Variants in MIER1 observed in about 807,000 individuals in gnomAD.
MIER1 encodes mesoderm induction early response protein 1.
MIER1 carries 40 observed loss-of-function variants against 75.7 expected under a neutral mutation model. That is an observed-to-expected ratio of 0.53 (90% CI 0.41 to 0.69). The LOEUF is 0.69. Among genes scored for constraint, MIER1 ranks in the 30% least tolerant of loss-of-function variants. The pLI is 0.00. For missense variants in MIER1, 574 were observed against 680.2 expected (o/e 0.84, Z 1.74); for synonymous variants, 213 against 223.4 (o/e 0.95, Z 0.42).
At position 66,986,575 on chromosome 1, in the gene MIER1, AC is replaced by A; in HGVS notation, c.*1676del. 1 of 933,310 alleles carries A rather than the reference AC, an allele frequency of 1.1e-6. No homozygotes were observed. The highest frequency in any genetic ancestry group is 1.4e-5 in the South Asian group (1 of 70,824). The allele number at this position is 933,310 out of a possible 1,614,324, so 57.8% of individuals were successfully genotyped here. A position where few individuals can be genotyped will look rare whatever the true frequency, so the allele number is the denominator to read the frequency against. Reference sequence around the variant, plus strand: ...TCAGGCCTTACCCCCATGAAGTATTACTGTTAACATATGTTCGGACTGCTTC... The same window carrying A: ...TCAGGCCTTACCCCCATGAAGTATTATGTTAACATATGTTCGGACTGCTTC... On this transcript the variant is annotated 3_prime_UTR_variant, in exon 14 of 14. Coordinates refer to ENST00000401041, the MANE Select transcript of MIER1 (RefSeq NM_001077700.3).
intron 13 of MIER1, among the ~76,000 whole-genome samples, chr1:66,982,542 G>T (rs1666109718): frequency 2.6e-5 from 4 of 152,174 alleles, no homozygotes; most frequent in Admixed American, 2.6e-4. Context: ...AAGAGCCAGA[G>T]AATTATTTTG....
rs1048477860 is a variant in MIER1 at position 66,988,618 on chromosome 1, G to A, written c.*3718G>A. Reference sequence around the variant, plus strand: ...ATGTAATTAAAATGTCATTTTGCTTGCTCTTGAGTAAGAAGTAATTTGAAC... The same window carrying A: ...ATGTAATTAAAATGTCATTTTGCTTACTCTTGAGTAAGAAGTAATTTGAAC... On this transcript the variant is annotated 3_prime_UTR_variant, in exon 14 of 14. Transcript: ENST00000401041. The A allele has an allele frequency of 6.6e-6, 1 of 152,174 alleles. No homozygotes were observed. Among genetic ancestry groups the A allele is most frequent in the Non-Finnish European group, 1.5e-5 (1 of 67,920 alleles). 9.4% of individuals were successfully genotyped at this position (152,174 alleles called of 1,614,324 possible). A position where few individuals can be genotyped will look rare whatever the true frequency, so the allele number is the denominator to read the frequency against.
intron 4 of MIER1, chr1:66,946,679 C>T (rs942325335): frequency 1.0e-6 from 1 of 990,784 alleles, no homozygotes; most frequent in Non-Finnish European, 1.2e-6. Flanking sequence ...ATTTTCCATT[C>T]ACTACATAAA....
chr1:66,941,842 T>C (rs1470893939), intron 3 of MIER1, among the ~76,000 whole-genome samples: 2 of 152,038 alleles, frequency 1.3e-5, no homozygotes, highest in African/African-American at 4.8e-5. Context: ...TGGTGGCACA[T>C]GCTTGTAATC....
chr1:66,974,425 GTTT>G (rs560980878), intron 11 of MIER1, among the ~76,000 whole-genome samples: 1 of 148,716 alleles, frequency 6.7e-6, no homozygotes, highest in African/African-American at 2.5e-5. Flanking sequence ...TTTGGATGAG[GTTT>G]TTTTTTTGTT....
chr1:66,981,273 ATTTAGTTAGCATC>A (rs1243881165), intron 12 of MIER1, among the ~76,000 whole-genome samples: 1 of 152,212 alleles, frequency 6.6e-6, no homozygotes, highest in Non-Finnish European at 1.5e-5. Flanking sequence ...AATCCCAGGA[ATTTAGTTAGCATC>A]TTATAGCTCA....
At chr1:66,929,242 G>T (rs185331813) in intron 2 of MIER1, 3 of 363,454 alleles carry the variant, frequency 8.3e-6, no homozygotes, top group East Asian at 1.1e-4. Flanking sequence ...AATAATTCTC[G>T]TATTTAAATG....
chr1:66,983,441 A>G (rs894929055), intron 13 of MIER1, among the ~76,000 whole-genome samples: 1 of 152,118 alleles, frequency 6.6e-6, no homozygotes, highest in Non-Finnish European at 1.5e-5. Flanking sequence ...TTTTCAAGCA[A>G]TTAAATTGTA....
intron 4 of MIER1, among the ~76,000 whole-genome samples, chr1:66,951,572 GTT>G (rs5774851): frequency 1.6e-4 from 24 of 149,170 alleles, no homozygotes; most frequent in Admixed American, 5.3e-4. Context: ...GTGTATTCCT[GTT>G]TTTTTTTTTT....
At chr1:66,947,634 AC>A (rs1350845688) in intron 4 of MIER1, 1 of 152,056 alleles carries the variant, frequency 6.6e-6, no homozygotes, top group African/African-American at 2.4e-5. Context: ...TTCCTCTTTT[AC>A]CATCTTTCTC....
intron 4 of MIER1, among the ~76,000 whole-genome samples, chr1:66,951,755 A>G (rs943626069): frequency 7.9e-5 from 12 of 151,970 alleles, no homozygotes; most frequent in Non-Finnish European, 2.9e-5. Context: ...ACATTCCTGT[A>G]TTTTTATTCA....
At chr1:66,941,389 A>T (rs1656173066) in intron 3 of MIER1, among the ~76,000 whole-genome samples, 1 of 152,050 alleles carries the variant, frequency 6.6e-6, no homozygotes, top group South Asian at 2.1e-4. Flanking sequence ...TAAGTGTTAG[A>T]TCACCATATT....
chr1:66,930,494 G>T (rs1004261135), intron 2 of MIER1: 30 of 1,291,386 alleles, frequency 2.3e-5, no homozygotes, highest in Non-Finnish European at 3.1e-5. Context: ...GGAGAGGCCC[G>T]GCCCTGCTGG....
intron 7 of MIER1, chr1:66,960,173 A>G (rs1004074923): frequency 6.6e-6 from 1 of 152,278 alleles, no homozygotes; most frequent in Non-Finnish European, 1.5e-5. Context: ...ATGTTTTTCA[A>G]TATTATGGAA....
At chr1:66,956,966 C>T (rs1660254433) in intron 4 of MIER1, among the ~76,000 whole-genome samples, 1 of 152,162 alleles carries the variant, frequency 6.6e-6, no homozygotes, top group Non-Finnish European at 1.5e-5. Flanking sequence ...ATGAGCTAGA[C>T]TTACTTCTTT....
intron 11 of MIER1, among the ~76,000 whole-genome samples, chr1:66,974,669 T>G (rs909398206): frequency 2.6e-5 from 4 of 152,018 alleles, no homozygotes; most frequent in Admixed American, 6.6e-5. Flanking sequence ...TCATAAATAT[T>G]TGGGACAGTG....
At chr1:66,931,334 GT>G (rs1438356426) in intron 2 of MIER1, among the ~76,000 whole-genome samples, 1 of 152,094 alleles carries the variant, frequency 6.6e-6, no homozygotes, top group Non-Finnish European at 1.5e-5. Flanking sequence ...TGTGGGATTT[GT>G]TTTGTTTCCG....
At chr1:66,970,679 C>T in intron 8 of MIER1, 129 bp from the exon 9 acceptor site, 2 of 581,174 alleles carry the variant, frequency 3.4e-6, no homozygotes, top group African/African-American at 2.0e-5. Flanking sequence ...CGAAGTCAGG[C>T]AAGTAGTAGA....
chr1:66,963,769 G>A (rs762142051), intron 8 of MIER1, among the ~76,000 whole-genome samples: 4 of 151,946 alleles, frequency 2.6e-5, no homozygotes, highest in Non-Finnish European at 4.4e-5. Context: ...TTAGCCTGGC[G>A]TCGTGGCGCG....
Sources: allele counts gnomAD v4.1 joint callset (sites outside exome capture counted in the v4.1 genomes callset), GRCh38; gene constraint gnomAD v4.1.1; transcripts MANE v1.5; gene names NCBI Gene and HGNC (gene_info 2026-07-23, HGNC 2026-07-21).